Variants in MAP3K7CL observed in about 807,000 individuals in gnomAD.
MAP3K7CL encodes the protein MAP3K7 C-terminal-like protein.
Under a neutral mutation model 18.6 loss-of-function variants are expected in MAP3K7CL, and 16 were observed. That is an observed-to-expected ratio of 0.86 (90% confidence interval 0.58 to 1.31). The LOEUF (loss-of-function observed/expected upper bound fraction) is 1.31, where lower values mean the gene tolerates loss of function less well. Among genes scored for constraint, MAP3K7CL ranks in the 50% most tolerant of loss-of-function variants. The pLI, the probability that MAP3K7CL is intolerant of heterozygous loss-of-function variation, is 0.00. For missense variants in MAP3K7CL, 163 were observed against 174.4 expected (o/e 0.93, Z 0.37); for synonymous variants, 65 against 66.8 (o/e 0.97, Z 0.13).
At chr21:29,157,650 C>A (rs975714417) in intron 3 of MAP3K7CL, among the ~76,000 whole-genome samples, 16 of 152,132 alleles carry the variant, frequency 1.1e-4, no homozygotes, top group African/African-American at 3.9e-4. Flanking sequence ...TACTACCTAT[C>A]ATCACATATG....
intron 3 of MAP3K7CL, among the ~76,000 whole-genome samples, chr21:29,155,568 C>G (rs1408879642): frequency 6.6e-6 from 1 of 152,164 alleles, no homozygotes; most frequent in East Asian, 1.9e-4. Flanking sequence ...AGAACAGCAC[C>G]ATAGCACCGT....
At chr21:29,097,647 C>G (rs75369865) in intron 4 of MAP3K7CL, among the ~76,000 whole-genome samples, 1 of 151,704 alleles carries the variant, frequency 6.6e-6, no homozygotes, top group Non-Finnish European at 1.5e-5. Flanking sequence ...TCAAATAACA[C>G]GATATGTAGT....
chr21:29,093,924 T>C (rs2086075361), intron 4 of MAP3K7CL, among the ~76,000 whole-genome samples: 1 of 152,220 alleles, frequency 6.6e-6, no homozygotes, highest in African/African-American at 2.4e-5. Context: ...CCTTCTAGGA[T>C]TACTGTGGGG....
At chr21:29,146,484 A>G (rs564549836) in intron 2 of MAP3K7CL, among the ~76,000 whole-genome samples, 8 of 152,196 alleles carry the variant, frequency 5.3e-5, no homozygotes, top group Non-Finnish European at 1.2e-4. Flanking sequence ...ATTCTTTGCA[A>G]ACATTGGGGT....
chr21:29,115,906 A>G (rs1167715214), intron 4 of MAP3K7CL, among the ~76,000 whole-genome samples: 1 of 152,218 alleles, frequency 6.6e-6, no homozygotes, highest in South Asian at 2.1e-4. Flanking sequence ...ACATTAATTG[A>G]ATCTAAAAAA....
chr21:29,162,163 C>G (rs920698075), intron 4 of MAP3K7CL, among the ~76,000 whole-genome samples: 1 of 151,248 alleles, frequency 6.6e-6, no homozygotes, highest in Non-Finnish European at 1.5e-5. Flanking sequence ...ATCTATATGA[C>G]GAATAGCCTG....
At chr21:29,114,746 A>G (rs2086477265) in intron 4 of MAP3K7CL, among the ~76,000 whole-genome samples, 1 of 152,160 alleles carries the variant, frequency 6.6e-6, no homozygotes, top group African/African-American at 2.4e-5. Flanking sequence ...GACGGCAAAT[A>G]ATAATAATAA....
rs1382498157 is a variant in MAP3K7CL at position 29,141,334 on chromosome 21, G to A, written c.71-7855G>A. Among the ~76,000 whole-genome samples the A allele has an allele frequency of 3.3e-5, 5 of 150,506 alleles. No homozygotes were observed. In the East Asian group the frequency reaches 7.8e-4, roughly 23 times the overall value. On this transcript the variant is annotated intron_variant, in intron 2 of 4. Coordinates refer to ENST00000399928, the MANE Select transcript of MAP3K7CL (RefSeq NM_001286620.2). The stretch of plus-strand genomic sequence containing the variant: ...TGGAGACTATCCTGGCTAACGTGGT[G>A]AAACCTGTCTCTACTAAAAATACAA...
intron 3 of MAP3K7CL, chr21:29,092,158 A>T: frequency 2.4e-6 from 1 of 416,746 alleles, no homozygotes; most frequent in Admixed American, 3.7e-5. Context: ...GAGTTCTTAT[A>T]ATCAGCTCTC....
upstream of MAP3K7CL, among the ~76,000 whole-genome samples, chr21:29,126,766 G>A (rs2086688501): frequency 6.6e-6 from 1 of 152,116 alleles, no homozygotes; most frequent in Non-Finnish European, 1.5e-5. Flanking sequence ...GCTCACAAGT[G>A]TAAAATATTT....
intron 4 of MAP3K7CL, among the ~76,000 whole-genome samples, chr21:29,107,709 G>A (rs747475058): frequency 4.6e-5 from 7 of 152,182 alleles, no homozygotes; most frequent in Non-Finnish European, 1.0e-4. Context: ...CTAAAACAAA[G>A]TGTTGACTTT....
chr21:29,158,686 A>G lies in MAP3K7CL; in HGVS notation c.133-1255A>G, dbSNP rs746040829. Among the ~76,000 whole-genome samples, 30 of 152,184 alleles carry G rather than the reference A, an allele frequency of 2.0e-4. 1 individual carries two copies. The highest frequency in any genetic ancestry group is 3.7e-4 in the Non-Finnish European group (25 of 68,036). On this transcript the variant is annotated intron_variant, in intron 3 of 4. Transcript: ENST00000399928. Reference sequence around the variant, plus strand: ...TTGAAGAATATAATGAGAGGAACAAATAGTAAAAAATTCATTAGTTCTCAA... The same window carrying G: ...TTGAAGAATATAATGAGAGGAACAAGTAGTAAAAAATTCATTAGTTCTCAA...
Position 29,149,258 on chromosome 21 carries a change from T to C in MAP3K7CL, c.132+8T>C, listed in dbSNP as rs2087215689. The C allele has an allele frequency of 6.2e-7, 1 of 1,612,928 alleles. No homozygotes were observed. Among genetic ancestry groups the C allele is most frequent in the Non-Finnish European group, 8.5e-7 (1 of 1,178,892 alleles). On this transcript the variant is annotated splice_region_variant and intron_variant, in intron 3 of 4. Coordinates refer to ENST00000399928, the MANE Select transcript of MAP3K7CL (RefSeq NM_001286620.2). ...TTAGACCAGCAGCTACAGGTAAGGATTTTTCTAAAGTCTCTCTTCTTTCCT... is the reference window on the plus strand; with the variant it reads ...TTAGACCAGCAGCTACAGGTAAGGACTTTTCTAAAGTCTCTCTTCTTTCCT...
chr21:29,083,599 T>G (rs1252762026), upstream of MAP3K7CL, among the ~76,000 whole-genome samples: 5 of 152,188 alleles, frequency 3.3e-5, no homozygotes, highest in Non-Finnish European at 5.9e-5. Flanking sequence ...AATCTTCCAA[T>G]GTTTTTGTTT....
intron 3 of MAP3K7CL, chr21:29,092,420 G>T (rs1228579599): frequency 6.2e-7 from 1 of 1,613,390 alleles, no homozygotes; most frequent in South Asian, 1.1e-5. Context: ...ACTTTGATTT[G>T]GCCTTGATCT....
At chr21:29,083,665 C>G (rs562834923), upstream of MAP3K7CL, among the ~76,000 whole-genome samples, 16 of 152,264 alleles carry the variant, frequency 1.1e-4, no homozygotes, top group African/African-American at 3.9e-4. Context: ...TCTACCAACT[C>G]TACAGGGCTC....
chr21:29,125,406 T>G (rs2086664826), intron 4 of MAP3K7CL, among the ~76,000 whole-genome samples: 1 of 152,154 alleles, frequency 6.6e-6, no homozygotes, highest in Admixed American at 6.5e-5. Context: ...GAGAAACCAT[T>G]GAGTGGTTCA....
chr21:29,156,602 G>A (rs1326634811), intron 3 of MAP3K7CL, among the ~76,000 whole-genome samples: 1 of 152,180 alleles, frequency 6.6e-6, no homozygotes, highest in Non-Finnish European at 1.5e-5. Context: ...TAAGGTAAGA[G>A]AGGATTACCC....
At chr21:29,120,280 C>G (rs1046941771) in intron 4 of MAP3K7CL, among the ~76,000 whole-genome samples, 2 of 151,902 alleles carry the variant, frequency 1.3e-5, no homozygotes, top group African/African-American at 2.4e-5. Flanking sequence ...ATCTTTGGCA[C>G]CAATGAAAAG....
Sources: allele counts gnomAD v4.1 joint callset (sites outside exome capture counted in the v4.1 genomes callset), GRCh38; gene constraint gnomAD v4.1.1; transcripts MANE v1.5; gene names NCBI Gene and HGNC (gene_info 2026-07-23, HGNC 2026-07-21).